The following BLTP1 variants were observed in gnomAD, a reference collection of about 807,000 sequenced individuals.
The protein encoded by BLTP1 is bridge-like lipid transfer protein family member 1, also known as fragile site-associated protein.
the BLTP1 span, among the ~76,000 whole-genome samples, chr4:122,171,520 A>G: frequency 1.3e-5 from 2 of 151,976 alleles, no homozygotes; most frequent in Non-Finnish European, 1.5e-5. Flanking sequence ...GGTTGTACAT[A>G]TGTTGTCTCA....
At chr4:122,195,725 A>G in the BLTP1 span, 1 of 671,934 alleles carries the variant, frequency 1.5e-6, no homozygotes, top group Non-Finnish European at 1.8e-6. Flanking sequence ...TTAATTTTCT[A>G]TATTTATGTG....
the BLTP1 span, chr4:122,169,657 G>C: frequency 1.5e-5 from 14 of 958,176 alleles, no homozygotes; most frequent in Non-Finnish European, 1.7e-5. Flanking sequence ...TCATCCTACT[G>C]TGTGTGCATA....
the BLTP1 span, among the ~76,000 whole-genome samples, chr4:122,169,019 C>T: frequency 6.6e-6 from 1 of 152,136 alleles, no homozygotes; most frequent in Admixed American, 6.5e-5. Context: ...ATGATCATAG[C>T]TCACCGTAAC....
chr4:122,339,928 TATA>T, the BLTP1 span, among the ~76,000 whole-genome samples: 3 of 152,160 alleles, frequency 2.0e-5, no homozygotes, highest in Admixed American at 6.6e-5. Context: ...GTTTTTAAAA[TATA>T]ATTGATTTCC....
the BLTP1 span, chr4:122,353,916 C>T: frequency 6.2e-7 from 1 of 1,613,862 alleles, no homozygotes; most frequent in Non-Finnish European, 8.5e-7. This position sits in a 1 kb window ranked among gnomAD's most constrained non-coding sequence, Gnocchi z 4.3. Context: ...AGTCCTATGG[C>T]AACAATAACC....
chr4:122,304,968 A>C, the BLTP1 span: 1 of 1,613,826 alleles, frequency 6.2e-7, no homozygotes, highest in South Asian at 1.1e-5. Flanking sequence ...CATTAGGACA[A>C]ATTGTCAAAC....
the BLTP1 span, chr4:122,274,198 A>T: frequency 1.8e-6 from 1 of 571,340 alleles, no homozygotes; most frequent in Non-Finnish European, 3.0e-6. Flanking sequence ...TTTAAAAAGT[A>T]GCTCTGAAAT....
At chr4:122,204,715 AG>A in the BLTP1 span, 4 of 500,012 alleles carry the variant, frequency 8.0e-6, no homozygotes, top group Non-Finnish European at 1.0e-5. Context: ...TATATTGTAG[AG>A]TTGGTTATAT....
the BLTP1 span, chr4:122,346,327 G>GA: frequency 1.3e-5 from 5 of 386,440 alleles, no homozygotes; most frequent in Admixed American, 3.2e-4. Flanking sequence ...TTCCATAATA[G>GA]AAAAGACTGC....
the BLTP1 span, chr4:122,247,331 G>A: frequency 6.2e-7 from 1 of 1,613,150 alleles, no homozygotes; most frequent in Non-Finnish European, 8.5e-7. Context: ...CGAGTTCATG[G>A]GCAACTTAGG....
At chr4:122,348,969 T>G in the BLTP1 span, 16 of 559,378 alleles carry the variant, frequency 2.9e-5, no homozygotes, top group Non-Finnish European at 4.7e-5. Context: ...CTTTTCTAGC[T>G]AGGAGTAAAG....
chr4:122,329,062 G>C, the BLTP1 span, among the ~76,000 whole-genome samples: 5 of 151,606 alleles, frequency 3.3e-5, no homozygotes, highest in African/African-American at 4.8e-5. Flanking sequence ...CCCTTTCCTA[G>C]ACTGAAGCCA....
chr4:122,164,426 T>TC, the BLTP1 span: 22 of 984,896 alleles, frequency 2.2e-5, no homozygotes, highest in Non-Finnish European at 2.4e-5. Flanking sequence ...TGCTTCTCCT[T>TC]CCCCCAGAAT....
At chr4:122,237,613 A>G in the BLTP1 span, 307 of 731,820 alleles carry the variant, frequency 4.2e-4, no homozygotes, top group Admixed American at 2.5e-4. Context: ...AGATTTAAAA[A>G]GAAGAAAAAA....
the BLTP1 span, among the ~76,000 whole-genome samples, chr4:122,343,067 C>G: frequency 3.3e-5 from 5 of 152,138 alleles, no homozygotes; most frequent in Non-Finnish European, 5.9e-5. Context: ...TGTTCTCCCC[C>G]ACTTTGCTTA....
At chr4:122,157,060 A>G in the BLTP1 span, among the ~76,000 whole-genome samples, 10 of 152,058 alleles carry the variant, frequency 6.6e-5, no homozygotes, top group African/African-American at 2.4e-4. Flanking sequence ...TTTAGTAGGG[A>G]GGAGGAGGAG....
chr4:122,233,625 G>A, the BLTP1 span, among the ~76,000 whole-genome samples: 2 of 152,114 alleles, frequency 1.3e-5, no homozygotes, highest in East Asian at 1.9e-4. Context: ...GCAATCTCAA[G>A]CTCTCCCTCA....
the BLTP1 span, among the ~76,000 whole-genome samples, chr4:122,359,019 G>C: frequency 6.6e-6 from 1 of 150,810 alleles, no homozygotes; most frequent in Non-Finnish European, 1.5e-5. Context: ...AAAAACCATT[G>C]AATTACACAG....
At chr4:122,352,850 T>C in the BLTP1 span, 2 of 1,593,872 alleles carry the variant, frequency 1.3e-6, no homozygotes, top group Non-Finnish European at 1.7e-6. Context: ...CTCTACCCTA[T>C]CCAAGGGTAC....
Sources: gnomAD v4.1 joint callset for allele counts (sites outside exome capture counted in the v4.1 genomes callset) on GRCh38, gnomAD v4.1.1 for gene constraint, Gnocchi (gnomAD v3.1) non-coding constraint, MANE v1.5 for transcripts, NCBI Gene and HGNC (gene_info 2026-07-23, HGNC 2026-07-21) for gene names.